OPRM1: variants seen among roughly 807,000 people sequenced by gnomAD.
The protein encoded by OPRM1 is opioid receptor mu 1.
A neutral mutation model predicts 31.8 loss-of-function variants in OPRM1; 27 were observed. The ratio of observed to expected loss-of-function variants is 0.85; its 90% CI spans 0.63 to 1.17. The LOEUF is 1.17. Ranked by LOEUF, OPRM1 falls within the 50% of genes most tolerant of loss-of-function variation. The pLI, the probability that OPRM1 is intolerant of heterozygous loss-of-function variation, is 0.00. For missense variants in OPRM1, 536 were observed against 511.1 expected, an observed-to-expected ratio of 1.05 and a Z score of -0.47; for synonymous variants, 196 against 189.9, an observed-to-expected ratio of 1.03 and a Z score of -0.26.
chr6:154,135,765 G>A (rs1798045941), downstream of OPRM1, among the ~76,000 whole-genome samples: 1 of 152,186 alleles, frequency 6.6e-6, no homozygotes, highest in Admixed American at 6.5e-5. Flanking sequence ...GAAAGCAGTA[G>A]CTGTAGGCAC....
intron 3 of OPRM1, among the ~76,000 whole-genome samples, chr6:154,230,696 C>T (rs548212405): frequency 6.6e-6 from 1 of 152,206 alleles, no homozygotes; most frequent in Non-Finnish European, 1.5e-5. Context: ...AATATTATAT[C>T]TCTATTTTCA....
intron 1 of OPRM1, among the ~76,000 whole-genome samples, chr6:154,012,069 A>G (rs1777759277): frequency 1.3e-5 from 2 of 152,274 alleles, no homozygotes; most frequent in African/African-American, 4.8e-5. Flanking sequence ...CACCAATGGA[A>G]TTGAGTATTT....
intron 1 of OPRM1, among the ~76,000 whole-genome samples, chr6:154,040,359 G>C (rs1380021741): frequency 6.6e-6 from 1 of 152,044 alleles, no homozygotes; most frequent in Non-Finnish European, 1.5e-5. Flanking sequence ...TGCTGGTTTA[G>C]TACTTCCCTG....
chr6:154,021,523 C>T (rs1778365017), intron 1 of OPRM1, among the ~76,000 whole-genome samples: 1 of 152,108 alleles, frequency 6.6e-6, no homozygotes, highest in African/African-American at 2.4e-5. Flanking sequence ...TTGGGTCTGC[C>T]TTGGATCTAT....
chr6:154,045,004 CA>C (rs58132176), intron 1 of OPRM1, among the ~76,000 whole-genome samples: 9,014 of 152,060 alleles, frequency 0.059, 366 homozygotes, highest in African/African-American at 0.11. Context: ...GCAGGTGGAT[CA>C]CCTGAGGTCA....
chr6:154,192,318 CTGTGTG>C (rs56231733), intron 3 of OPRM1, among the ~76,000 whole-genome samples: 9,299 of 148,058 alleles, frequency 0.063, 399 homozygotes, highest in African/African-American at 0.12. Flanking sequence ...CACGTGGTTA[CTGTGTG>C]TGTGTGTGTG....
chr6:154,218,762 G>T (rs913787460), intron 3 of OPRM1, among the ~76,000 whole-genome samples: 1 of 152,166 alleles, frequency 6.6e-6, no homozygotes, highest in South Asian at 2.1e-4. Flanking sequence ...TAAATTTCAG[G>T]CCCAGACAAA....
At chr6:154,113,042 A>G (rs1201373282) in intron 3 of OPRM1, among the ~76,000 whole-genome samples, 1 of 152,226 alleles carries the variant, frequency 6.6e-6, no homozygotes, top group East Asian at 1.9e-4. Flanking sequence ...TACCGTGGAT[A>G]TTAATCCAAA....
rs1200446773 is a variant in OPRM1 at position 154,121,893 on chromosome 6, G to A, written c.*3172G>A. 3.3e-5 allele frequency among the ~76,000 whole-genome samples: 5 copies of A among 152,142 alleles called. No individual in the cohort carries two copies. Among genetic ancestry groups the A allele is most frequent in the African/African-American group, 1.2e-4 (5 of 41,436 alleles). On this transcript the variant is annotated 3_prime_UTR_variant, in exon 4 of 4. Transcript: ENST00000330432. ...CTTTTTGGTAATGCTTCAATTAAAT[G>A]TTTTATCTAAATATGTGGAAATGAT...
intron 3 of OPRM1, chr6:154,156,760 G>C (rs1358721886): frequency 6.6e-6 from 1 of 152,176 alleles, no homozygotes; most frequent in African/African-American, 2.4e-5. Context: ...AGCAAAAGAC[G>C]CCCTTGCAAT....
intron 3 of OPRM1, among the ~76,000 whole-genome samples, chr6:154,211,444 T>C: frequency 6.6e-6 from 1 of 150,908 alleles, no homozygotes. Context: ...GAAAAGCATG[T>C]CCTATAAAGC....
chr6:154,118,465 T>C (rs1029412059), intron 3 of OPRM1, among the ~76,000 whole-genome samples: 3 of 152,210 alleles, frequency 2.0e-5, no homozygotes, highest in South Asian at 2.1e-4. Flanking sequence ...TTCAGTAGCA[T>C]ACACAAATGA....
At chr6:154,059,123 C>A (rs1783907292) in intron 1 of OPRM1, among the ~76,000 whole-genome samples, 1 of 152,088 alleles carries the variant, frequency 6.6e-6, no homozygotes, top group South Asian at 2.1e-4. Context: ...TAATTGGCAG[C>A]CTATTTTCCT....
intron 3 of OPRM1, among the ~76,000 whole-genome samples, chr6:154,223,803 T>C (rs1779047390): frequency 6.6e-6 from 1 of 152,238 alleles, no homozygotes; most frequent in Non-Finnish European, 1.5e-5. Flanking sequence ...CTCCCAAGTC[T>C]GTAGGCAGGG....
At chr6:154,083,873 G>A (rs908488168) in intron 1 of OPRM1, among the ~76,000 whole-genome samples, 1 of 151,160 alleles carries the variant, frequency 6.6e-6, no homozygotes, top group Non-Finnish European at 1.5e-5. Flanking sequence ...GAACCCGGGA[G>A]GCGGAGCTTG....
chr6:154,020,595 T>C lies in OPRM1; in HGVS notation c.-1+9577T>C, dbSNP rs1002171327. Among the ~76,000 whole-genome samples, 24 of 152,350 alleles carry C rather than the reference T, an allele frequency of 1.6e-4. 1 individual carries two copies. Among genetic ancestry groups the C allele is most frequent in the Admixed American group, 1.2e-3 (19 of 15,310 alleles). ...AACACTTTATAGGCATTTGAGATTA[T>C]GGCATTTGGGATTTTGTCTTTCGGA... On this transcript the variant is annotated intron_variant, in intron 1 of 5. Transcript: ENST00000434900.
intron 1 of OPRM1, among the ~76,000 whole-genome samples, chr6:154,065,891 T>G (rs1785297042): frequency 6.6e-6 from 1 of 152,348 alleles, no homozygotes; most frequent in African/African-American, 2.4e-5. Context: ...TTGAGTATGA[T>G]CTCTGCTGTG....
intron 3 of OPRM1, among the ~76,000 whole-genome samples, chr6:154,152,140 G>A (rs1798515209): frequency 7.3e-6 from 1 of 136,590 alleles, no homozygotes; most frequent in Non-Finnish European, 1.5e-5. Context: ...TCGCGCCACT[G>A]CACTCCAGCC....
intron 3 of OPRM1, among the ~76,000 whole-genome samples, chr6:154,229,636 G>T (rs1319587985): frequency 6.6e-6 from 1 of 152,032 alleles, no homozygotes; most frequent in Non-Finnish European, 1.5e-5. Context: ...GATTACAGGC[G>T]TGAGCCACCG....
Sources: allele counts gnomAD v4.1 joint callset (sites outside exome capture counted in the v4.1 genomes callset), GRCh38; gene constraint gnomAD v4.1.1; transcripts MANE v1.5; gene names NCBI Gene and HGNC (gene_info 2026-07-23, HGNC 2026-07-21).